Variants in CNTNAP2 observed in about 807,000 individuals in gnomAD.
CNTNAP2 encodes contactin associated protein 2.
A neutral mutation model predicts 155.2 loss-of-function variants in CNTNAP2; 98 were observed. The observed-to-expected ratio is 0.63, with a 90% CI of 0.54 to 0.75. The LOEUF is 0.75. Among genes scored for constraint, CNTNAP2 ranks in the 30% least tolerant of loss-of-function variants. The pLI is 0.00. For missense variants in CNTNAP2, 1,727 were observed against 1,688.1 expected (o/e 1.02, Z -0.40); for synonymous variants, 651 against 631.2 (o/e 1.03, Z -0.47).
At chr7:147,795,086 A>G (rs531611915) in intron 13 of CNTNAP2, among the ~76,000 whole-genome samples, 1 of 151,448 alleles carries the variant, frequency 6.6e-6, no homozygotes. Context: ...TTTATTTTGT[A>G]TATCTCCACT....
intron 9 of CNTNAP2, among the ~76,000 whole-genome samples, chr7:147,360,322 A>G (rs965433801): frequency 1.3e-5 from 2 of 152,134 alleles, no homozygotes; most frequent in Non-Finnish European, 2.9e-5. Context: ...ATGATATTTC[A>G]GTATGTTAAG....
intron 3 of CNTNAP2, among the ~76,000 whole-genome samples, chr7:146,876,922 G>A (rs752705897): frequency 6.6e-6 from 1 of 152,090 alleles, no homozygotes; most frequent in African/African-American, 2.4e-5. Context: ...TAGACTTAGT[G>A]CAAAAATCAT....
intron 1 of CNTNAP2, among the ~76,000 whole-genome samples, chr7:146,551,875 C>T (rs565069975): frequency 2.3e-4 from 35 of 152,112 alleles, no homozygotes; most frequent in Admixed American, 1.6e-3. Flanking sequence ...TTTCAGAGAA[C>T]GAGACTGCAT....
At chr7:147,914,275 T>A (rs1341877785) in intron 14 of CNTNAP2, among the ~76,000 whole-genome samples, 1 of 152,094 alleles carries the variant, frequency 6.6e-6, no homozygotes, top group African/African-American at 2.4e-5. Context: ...TCGTGGTGGC[T>A]CACGCCTGTG....
Position 146,480,250 on chromosome 7 carries a change from A to G in CNTNAP2, c.98-294021A>G, listed in dbSNP as rs1044949353. ...TAAAGTCCAAAAGGGTAAATTTCTA[A>G]AACGAAATTGTAAATAAAAGAATGG... On this transcript the variant is annotated intron_variant, in intron 1 of 23. Coordinates refer to ENST00000361727, the MANE Select transcript of CNTNAP2 (RefSeq NM_014141.6). Among the ~76,000 whole-genome samples the G allele has an allele frequency of 2.0e-5, 3 of 152,160 alleles. No homozygotes were observed. In the East Asian group the frequency reaches 5.8e-4, roughly 29 times the overall value.
intron 9 of CNTNAP2, among the ~76,000 whole-genome samples, chr7:147,342,333 G>C (rs1795779496): frequency 7.6e-6 from 1 of 131,848 alleles, no homozygotes; most frequent in Non-Finnish European, 1.7e-5. Flanking sequence ...AGTTTTCTTT[G>C]ATCAAAGAAA....
At chr7:146,682,802 GAAGAAAAAT>G (rs1800528100) in intron 1 of CNTNAP2, among the ~76,000 whole-genome samples, 1 of 152,112 alleles carries the variant, frequency 6.6e-6, no homozygotes, top group South Asian at 2.1e-4. Context: ...AATAGATAAG[GAAGAAAAAT>G]TCAATATTAA....
At chr7:148,319,142 A>G (rs1465795260) in intron 21 of CNTNAP2, among the ~76,000 whole-genome samples, 2 of 152,230 alleles carry the variant, frequency 1.3e-5, no homozygotes, top group Non-Finnish European at 2.9e-5. Flanking sequence ...CATAGATAAG[A>G]AAGCATATCG....
intron 2 of CNTNAP2, among the ~76,000 whole-genome samples, chr7:146,785,807 C>T (rs373030983): frequency 6.6e-6 from 1 of 152,164 alleles, no homozygotes; most frequent in Non-Finnish European, 1.5e-5. Context: ...GAACAGAGAC[C>T]ATGAGGATAA....
At chr7:147,270,555 A>G (rs887882802) in intron 8 of CNTNAP2, among the ~76,000 whole-genome samples, 2 of 152,110 alleles carry the variant, frequency 1.3e-5, no homozygotes, top group Non-Finnish European at 2.9e-5. Flanking sequence ...TTGAGCAATG[A>G]CTCTTAGCCC....
At chr7:148,281,757 A>C in intron 21 of CNTNAP2, among the ~76,000 whole-genome samples, 1 of 152,028 alleles carries the variant, frequency 6.6e-6, no homozygotes, top group East Asian at 1.9e-4. Flanking sequence ...AAACTTTGTC[A>C]CATTACAGCT....
intron 1 of CNTNAP2, among the ~76,000 whole-genome samples, chr7:146,481,563 A>G (rs947580132): frequency 6.6e-6 from 1 of 152,166 alleles, no homozygotes; most frequent in Non-Finnish European, 1.5e-5. Flanking sequence ...CCACCTCCTC[A>G]TCATCATCAT....
At chr7:147,298,648 G>A (rs1175024236) in intron 8 of CNTNAP2, among the ~76,000 whole-genome samples, 8 of 152,118 alleles carry the variant, frequency 5.3e-5, no homozygotes, top group African/African-American at 1.7e-4. Flanking sequence ...TTCCTATAAA[G>A]GAGCACATGT....
intron 1 of CNTNAP2, among the ~76,000 whole-genome samples, chr7:146,732,775 C>T (rs1328834396): frequency 6.6e-6 from 1 of 152,054 alleles, no homozygotes; most frequent in African/African-American, 2.4e-5. Flanking sequence ...TTTCTATAAC[C>T]TGCACACATC....
intron 1 of CNTNAP2, among the ~76,000 whole-genome samples, chr7:146,503,048 GT>G (rs538577734): frequency 6.6e-6 from 1 of 152,044 alleles, no homozygotes; most frequent in Non-Finnish European, 1.5e-5. Context: ...TAAAATCGGA[GT>G]TTTTTTATTG....
chr7:147,676,819 A>T (rs543206579), intron 13 of CNTNAP2, among the ~76,000 whole-genome samples: 1 of 152,030 alleles, frequency 6.6e-6, no homozygotes, highest in South Asian at 2.1e-4. Context: ...AGGTTCATCC[A>T]TGTTGTCACA....
Position 147,863,267 on chromosome 7 carries a change from T to G in CNTNAP2, c.2099-40298T>G, listed in dbSNP as rs1799167472. ...CTGCAAAGAACATGAACTCATCCTT[T>G]TTTATGACTGCGTAGTATTCCATGG... On this transcript the variant is annotated intron_variant, in intron 13 of 23. Coordinates refer to ENST00000361727, the MANE Select transcript of CNTNAP2 (RefSeq NM_014141.6). Among the ~76,000 whole-genome samples the G allele has an allele frequency of 2.6e-5, 4 of 152,326 alleles. No individual in the cohort carries two copies. The South Asian group carries it at 8.3e-4, about 32-fold the overall frequency.
chr7:146,388,543 G>A (rs995178692), intron 1 of CNTNAP2, among the ~76,000 whole-genome samples: 1 of 152,236 alleles, frequency 6.6e-6, no homozygotes, highest in Admixed American at 6.5e-5. Context: ...ATGCAATGTG[G>A]ATAAGCACAT....
At chr7:146,820,875 T>A (rs1803267189) in intron 2 of CNTNAP2, among the ~76,000 whole-genome samples, 1 of 152,206 alleles carries the variant, frequency 6.6e-6, no homozygotes, top group South Asian at 2.1e-4. Flanking sequence ...ATATTTAGAA[T>A]AGTTAGCTCT....
Sources: gnomAD v4.1 joint callset for allele counts (sites outside exome capture counted in the v4.1 genomes callset) on GRCh38, gnomAD v4.1.1 for gene constraint, MANE v1.5 for transcripts, NCBI Gene and HGNC (gene_info 2026-07-23, HGNC 2026-07-21) for gene names.